Variants in SMYD3 observed in about 807,000 individuals in gnomAD.
SMYD3 encodes histone-lysine N-methyltransferase SMYD3.
Under a neutral mutation model 57.7 loss-of-function variants are expected in SMYD3, and 36 were observed. That is an observed-to-expected ratio of 0.62 (90% confidence interval 0.48 to 0.82). SMYD3 has a LOEUF of 0.82. Among genes scored for constraint, SMYD3 ranks in the 40% least tolerant of loss-of-function variants. The pLI, the probability that SMYD3 is intolerant of heterozygous loss-of-function variation, is 0.00. For synonymous variants in SMYD3, 211 were observed against 195.0 expected (o/e 1.08, Z -0.68); for missense variants, 515 against 538.8 (o/e 0.96, Z 0.44).
Position 246,208,930 on chromosome 1 carries a change from A to C in SMYD3, c.531+118271T>G, listed in dbSNP as rs142585710. Among the ~76,000 whole-genome samples, 299 of 152,306 alleles carry C rather than the reference A, an allele frequency of 2.0e-3. 4 individuals carry two copies. The highest frequency in any genetic ancestry group is 6.9e-3 in the African/African-American group (285 of 41,546). ...TGATCTTTACTACTGGATTCAGCTA[A>C]AGGTCAAATAATATATGATGATTTA... On this transcript the variant is annotated intron_variant, in intron 5 of 11. Transcript: ENST00000490107.
intron 10 of SMYD3, among the ~76,000 whole-genome samples, chr1:245,838,138 T>C (rs1427198495): frequency 1.3e-5 from 2 of 152,246 alleles, no homozygotes; most frequent in African/African-American, 2.4e-5. Context: ...GCAGTATTTC[T>C]TTTGTTCAAA....
chr1:246,118,812 C>CT lies in SMYD3; in HGVS notation c.532-188876dup, dbSNP rs10623626. Among the ~76,000 whole-genome samples the CT allele has an allele frequency of 2.8e-3, 386 of 139,532 alleles. 19 individuals are homozygous for CT. Among genetic ancestry groups the CT allele is most frequent in the East Asian group, 6.7e-3 (32 of 4,806 alleles). 91.5% of individuals were successfully genotyped at this position (139,532 alleles called of 152,430 possible). A position where few individuals can be genotyped will look rare whatever the true frequency, so the allele number is the denominator to read the frequency against. ...AAACTTAAAAGGTATGAGGCACGTG[C>CT]TTTTTTTTTTTTTTTGGCTCTTCTG... On this transcript the variant is annotated intron_variant, in intron 5 of 11. Transcript: ENST00000490107.
At chr1:246,173,909 C>T (rs1451715440) in intron 5 of SMYD3, among the ~76,000 whole-genome samples, 5 of 152,062 alleles carry the variant, frequency 3.3e-5, no homozygotes. Flanking sequence ...TGGGCTCAAG[C>T]TATCCTCCCA....
chr1:245,856,859 C>G (rs10802283), intron 10 of SMYD3, among the ~76,000 whole-genome samples: 83,298 of 151,802 alleles, frequency 0.55, 26,304 homozygotes, highest in Non-Finnish European at 0.73. Flanking sequence ...TTTCAGTCTG[C>G]ATCTTTTGGA....
chr1:245,879,296 G>T (rs1251920466), intron 8 of SMYD3, among the ~76,000 whole-genome samples: 1 of 152,220 alleles, frequency 6.6e-6, no homozygotes, highest in African/African-American at 2.4e-5. Context: ...TCATAGGGTG[G>T]GCCTAAGGGC....
intron 2 of SMYD3, among the ~76,000 whole-genome samples, chr1:246,350,741 G>A (rs527662343): frequency 6.6e-6 from 1 of 152,192 alleles, no homozygotes; most frequent in South Asian, 2.1e-4. Flanking sequence ...GGAGTCTTGA[G>A]AAGGATTAAT....
chr1:246,441,754 GGCACATGCCA>G (rs1172381560), intron 1 of SMYD3, among the ~76,000 whole-genome samples: 2 of 152,186 alleles, frequency 1.3e-5, no homozygotes, highest in Non-Finnish European at 2.9e-5. Context: ...CGAGACCACA[GGCACATGCCA>G]GCATGTCCAG....
intron 5 of SMYD3, among the ~76,000 whole-genome samples, chr1:246,317,615 G>A (rs1408938617): frequency 6.6e-6 from 1 of 152,192 alleles, no homozygotes; most frequent in African/African-American, 2.4e-5. Flanking sequence ...GGGCCTTTCA[G>A]GCTACAATGG....
intron 5 of SMYD3, among the ~76,000 whole-genome samples, chr1:246,105,384 C>T (rs1406857641): frequency 1.3e-5 from 2 of 151,936 alleles, no homozygotes; most frequent in East Asian, 3.9e-4. Context: ...AAAAAAAAAG[C>T]ACTAAAAATG....
intron 5 of SMYD3, among the ~76,000 whole-genome samples, chr1:246,048,844 T>A (rs1420680172): frequency 1.3e-5 from 2 of 152,114 alleles, no homozygotes; most frequent in East Asian, 3.9e-4. Context: ...ATGTCTGTTG[T>A]GGGATTCCTT....
intron 5 of SMYD3, among the ~76,000 whole-genome samples, chr1:245,955,254 G>A (rs1214875871): frequency 3.0e-4 from 1 of 3,336 alleles, no homozygotes; most frequent in African/African-American, 4.6e-4. Context: ...GCCATACCTG[G>A]CTAATTTTTT....
At chr1:246,395,354 T>C (rs1010276659) in intron 1 of SMYD3, among the ~76,000 whole-genome samples, 8 of 152,248 alleles carry the variant, frequency 5.3e-5, no homozygotes, top group Non-Finnish European at 1.0e-4. Flanking sequence ...CAATGCTGTC[T>C]GAATAGCAAC....
chr1:246,244,132 C>T (rs2063665171), intron 5 of SMYD3, among the ~76,000 whole-genome samples: 2 of 151,912 alleles, frequency 1.3e-5, no homozygotes, highest in South Asian at 4.1e-4. Flanking sequence ...AGTTTCTTCT[C>T]TTTTTACTAT....
Position 246,395,704 on chromosome 1 carries a change from G to A in SMYD3, c.165-40610C>T, listed in dbSNP as rs1476216874. ...CAGGGAAGACGAACCCACCATGGCTGGACAGGGAAGACGAACACACCAGTC... is the reference window on the plus strand; with the variant it reads ...CAGGGAAGACGAACCCACCATGGCTAGACAGGGAAGACGAACACACCAGTC... On this transcript the variant is annotated intron_variant, in intron 1 of 11. Coordinates refer to ENST00000490107, the MANE Select transcript of SMYD3 (RefSeq NM_001167740.2). Among the ~76,000 whole-genome samples, 101 of 26,976 alleles carry A rather than the reference G, an allele frequency of 3.7e-3. 16 individuals carry two copies. The South Asian group carries it at 0.053, about 14-fold the overall frequency. 17.7% of individuals were successfully genotyped at this position (26,976 alleles called of 152,430 possible). A position where few individuals can be genotyped will look rare whatever the true frequency, so the allele number is the denominator to read the frequency against.
chr1:246,330,490 A>G lies in SMYD3; in HGVS notation c.384T>C (p.Asp128=). ...SESEKLYSFY[D]LESNINKLTE... is the part of the protein sequence containing the mutation. ...TAGACAATCACTTACTTGACTCCAG[A>G]TCATAAAATGAGTAAAGCTTCTCTG... The change falls in exon 4 of 12, where the codon GAT becomes GAC. Residue 128 remains aspartate (D), a synonymous_variant. Transcript: ENST00000490107. 1 of 1,589,868 alleles carries G rather than the reference A, an allele frequency of 6.3e-7. No individual in the cohort carries two copies. The highest frequency in any genetic ancestry group is 8.5e-7 in the Non-Finnish European group (1 of 1,170,020).
chr1:246,129,104 A>G (rs575994399), intron 5 of SMYD3, among the ~76,000 whole-genome samples: 23 of 152,118 alleles, frequency 1.5e-4, no homozygotes, highest in Non-Finnish European at 3.4e-4. Flanking sequence ...TGTTGATCCC[A>G]TTCTTGTTCA....
intron 1 of SMYD3, among the ~76,000 whole-genome samples, chr1:246,356,693 T>C (rs1225298130): frequency 6.6e-6 from 1 of 152,184 alleles, no homozygotes; most frequent in African/African-American, 2.4e-5. Context: ...AAAAAAGTAC[T>C]TCTGAGCTTG....
intron 10 of SMYD3, among the ~76,000 whole-genome samples, chr1:245,795,278 T>C (rs191704853): frequency 8.1e-4 from 123 of 152,350 alleles, no homozygotes; most frequent in Non-Finnish European, 8.4e-4. Context: ...CTCACAAGCT[T>C]CATGTCGACC....
intron 5 of SMYD3, among the ~76,000 whole-genome samples, chr1:246,267,583 T>C (rs1480725118): frequency 6.6e-6 from 1 of 152,228 alleles, no homozygotes; most frequent in Admixed American, 6.5e-5. Flanking sequence ...CGTTTACATG[T>C]GAAAGCCTTT....
Sources: gnomAD v4.1 joint callset for allele counts (sites outside exome capture counted in the v4.1 genomes callset) on GRCh38, gnomAD v4.1.1 for gene constraint, MANE v1.5 for transcripts, NCBI Gene and HGNC (gene_info 2026-07-23, HGNC 2026-07-21) for gene names.